The following CRNKL1 variants were observed in gnomAD, a reference collection of about 807,000 sequenced individuals.
CRNKL1 encodes crooked neck pre-mRNA splicing factor 1.
Under a neutral mutation model 103.7 loss-of-function variants are expected in CRNKL1, and 35 were observed. The ratio of observed to expected loss-of-function variants is 0.34; its 90% CI spans 0.26 to 0.45. The LOEUF is 0.45. CRNKL1 is among the 20% of genes least tolerant of loss of function. CRNKL1 has a pLI of 1.00. For missense variants in CRNKL1, 645 were observed against 836.0 expected (o/e 0.77, Z 2.82); for synonymous variants, 267 against 282.6 (o/e 0.94, Z 0.55).
At chr20:20,053,185 TATA>T (rs2043903406), upstream of CRNKL1, among the ~76,000 whole-genome samples, 1 of 152,230 alleles carries the variant, frequency 6.6e-6, no homozygotes, top group Non-Finnish European at 1.5e-5. Context: ...TGTTAGCTGT[TATA>T]ATACTTAACC....
In CRNKL1 at chr20:20,036,081, CAA is replaced by C; in HGVS notation, c.*112_*113del. On this transcript the variant is annotated 3_prime_UTR_variant, in exon 14 of 14. Coordinates refer to ENST00000536226, the MANE Select transcript of CRNKL1 (RefSeq NM_001278628.2). ...AAAAAATAACTTAAAAAGTAGCCAT[CAA>C]AGATACCAATCAATTTCTTACTGGT... 1 of 1,097,986 alleles carries C rather than the reference CAA, an allele frequency of 9.1e-7. No homozygotes were observed. The highest frequency in any genetic ancestry group is 1.3e-6 in the Non-Finnish European group (1 of 781,748). 68.0% of individuals were successfully genotyped at this position (1,097,986 alleles called of 1,614,324 possible). A position where few individuals can be genotyped will look rare whatever the true frequency, so the allele number is the denominator to read the frequency against.
chr20:20,045,801 G>A (rs767853986), intron 5 of CRNKL1, among the ~76,000 whole-genome samples: 2 of 152,278 alleles, frequency 1.3e-5, no homozygotes, highest in Non-Finnish European at 2.9e-5. Flanking sequence ...GAACTTAGAC[G>A]TCTAAGTCTC....
chr20:20,051,840 C>A (rs1213194495), intron 1 of CRNKL1, among the ~76,000 whole-genome samples: 2 of 152,208 alleles, frequency 1.3e-5, no homozygotes, highest in African/African-American at 4.8e-5. Flanking sequence ...GCCTTCAAGT[C>A]TCAGCTTAAA....
At chr20:20,049,677 C>T (rs1022491602) in intron 2 of CRNKL1, among the ~76,000 whole-genome samples, 2 of 152,206 alleles carry the variant, frequency 1.3e-5, no homozygotes, top group Admixed American at 6.5e-5. Context: ...TTTAAGTCCT[C>T]TGGTAATTCT....
rs566498711 is a variant in CRNKL1 at position 20,040,699 on chromosome 20, G to C, written c.1292C>G (p.Ala431Gly). The C allele has an allele frequency of 6.2e-7, 1 of 1,609,310 alleles. No individual in the cohort carries two copies. Among genetic ancestry groups the C allele is most frequent in the African/African-American group, 1.3e-5 (1 of 74,912 alleles). Residue 431 changes from alanine to glycine, a missense_variant, in exon 10 of 14, where the codon GCC becomes GGC. Physicochemically the swap from Ala to Gly is moderately conservative, Grantham distance 60 (BLOSUM62 0). Transcript: ENST00000536226. ...FEIRQKNLSL[A>G]RRALGTSIGK... is the part of the protein sequence containing the mutation. ...TTCTTTACTTACCAATGCTCTTCTG[G>C]CTAATGACAGATTCTTCTGTCGTAT...
chr20:20,039,715 G>A lies in CRNKL1; in HGVS notation c.1439C>T (p.Thr480Ile), dbSNP rs1269710047. Residue 480 changes from threonine (T) to isoleucine (I), a missense_variant, in exon 11 of 14, where the codon ACC becomes ATC. Coordinates refer to ENST00000536226, the MANE Select transcript of CRNKL1 (RefSeq NM_001278628.2). ...TAATTCAGCGAATTTAATCCATGAG[G>A]TACAATTTTCAGGTCCAAATTCCAG... The part of the protein sequence containing the change: ...KFLEFGPENC[T>I]SWIKFAELET... The A allele has an allele frequency of 1.9e-6, 3 of 1,614,160 alleles. 1 individual carries two copies. Among genetic ancestry groups the A allele is most frequent in the Middle Eastern group, 1.6e-4 (1 of 6,062 alleles).
chr20:20,055,256 A>C (rs2044219358), upstream of CRNKL1, among the ~76,000 whole-genome samples: 2 of 152,156 alleles, frequency 1.3e-5, no homozygotes, highest in Admixed American at 1.3e-4. Context: ...CTATCATCTA[A>C]AGTTCTTGGT....
intron 2 of CRNKL1, among the ~76,000 whole-genome samples, chr20:20,050,151 CAGA>C (rs1239439539): frequency 6.6e-6 from 1 of 152,212 alleles, no homozygotes; most frequent in Non-Finnish European, 1.5e-5. Context: ...GTGGTATAGA[CAGA>C]AGTACACAGT....
Position 20,043,995 on chromosome 20 carries a change from C to T in CRNKL1, c.802-333G>A, listed in dbSNP as rs113676231. Among the ~76,000 whole-genome samples the T allele has an allele frequency of 7.2e-4, 109 of 152,296 alleles. 1 individual carries two copies. The highest frequency in any genetic ancestry group is 2.6e-3 in the African/African-American group (107 of 41,558). The stretch of plus-strand genomic sequence containing the variant: ...CCCAATTTTAGTAGGCAAGGCCTAA[C>T]CTACAGTCACTTGCTCAAGCCAAAA... On this transcript the variant is annotated intron_variant, in intron 6 of 13. Coordinates refer to ENST00000536226, the MANE Select transcript of CRNKL1 (RefSeq NM_001278628.2).
At position 20,043,783 on chromosome 20, in the gene CRNKL1, G is replaced by C. The variant is rs866019135; in HGVS notation, c.802-121C>G. On this transcript the variant is annotated intron_variant, in intron 6 of 13. Coordinates refer to ENST00000536226, the MANE Select transcript of CRNKL1 (RefSeq NM_001278628.2). ...AGATTTTGAGGCCTCATAATATCCA[G>C]AGTAAGATGCTTTTCTCCCTCTTGT... 5 of 862,888 alleles carry C rather than the reference G, an allele frequency of 5.8e-6. No individual in the cohort carries two copies. In the South Asian group the frequency reaches 7.2e-5, roughly 13 times the overall value. The allele number at this position is 862,888 out of a possible 1,614,324, so 53.5% of individuals were successfully genotyped here. A position where few individuals can be genotyped will look rare whatever the true frequency, so the allele number is the denominator to read the frequency against.
intron 2 of CRNKL1, among the ~76,000 whole-genome samples, chr20:20,049,898 GCC>G (rs2043658963): frequency 2.6e-5 from 4 of 151,580 alleles, no homozygotes; most frequent in Non-Finnish European, 5.9e-5. Flanking sequence ...GCTCACTGCA[GCC>G]TCTGCCTCCC....
chr20:20,045,800 C>T (rs112956031), intron 5 of CRNKL1, among the ~76,000 whole-genome samples: 7 of 152,238 alleles, frequency 4.6e-5, no homozygotes, highest in South Asian at 2.1e-4. Context: ...TGAACTTAGA[C>T]GTCTAAGTCT....
chr20:20,042,281 G>A lies in CRNKL1; in HGVS notation c.1164+44C>T, dbSNP rs1272053044. 6.7e-6 allele frequency: 10 copies of A among 1,500,900 alleles called. No homozygotes were observed. In the South Asian group the frequency reaches 1.3e-4, roughly 20 times the overall value. 93.0% of individuals were successfully genotyped at this position (1,500,900 alleles called of 1,614,324 possible). The stretch of plus-strand genomic sequence containing the variant: ...CAATAGGTGAGCTGTGAATACAGAA[G>A]ACAGGAAACCATTATCAGCTGACAC... On this transcript the variant is annotated intron_variant, in intron 8 of 13. Transcript: ENST00000536226.
chr20:20,042,963 G>A (rs1256811568), intron 7 of CRNKL1, among the ~76,000 whole-genome samples: 12 of 152,110 alleles, frequency 7.9e-5, no homozygotes, highest in Admixed American at 7.9e-4. Flanking sequence ...TTAGTCCTTT[G>A]CTTGGAGGTA....
At position 20,036,045 on chromosome 20, in the gene CRNKL1, C is replaced by A; in HGVS notation, c.*150G>T. 1.2e-6 allele frequency: 1 copy of A among 834,702 alleles called. No individual in the cohort carries two copies. The highest frequency in any genetic ancestry group is 1.8e-6 in the Non-Finnish European group (1 of 561,056). 51.7% of individuals were successfully genotyped at this position (834,702 alleles called of 1,614,324 possible). Reference sequence around the variant, plus strand: ...TTGCAATCCCTACCCCTAGCTAACCCAAGAGCATTTAAAAAATAACTTAAA... The same window carrying A: ...TTGCAATCCCTACCCCTAGCTAACCAAAGAGCATTTAAAAAATAACTTAAA... On this transcript the variant is annotated 3_prime_UTR_variant, in exon 14 of 14. Transcript: ENST00000536226.
chr20:20,051,617 G>T (rs2043738133), intron 1 of CRNKL1, among the ~76,000 whole-genome samples: 1 of 152,182 alleles, frequency 6.6e-6, no homozygotes, highest in African/African-American at 2.4e-5. Context: ...TTATGTAAAG[G>T]TCCAGTTCAA....
At chr20:20,047,987 T>C in intron 4 of CRNKL1, 56 bp from the exon 5 acceptor site, 2 of 1,540,618 alleles carry the variant, frequency 1.3e-6, no homozygotes, top group Non-Finnish European at 1.8e-6. Flanking sequence ...CATTGTTGAA[T>C]GGGAAGAAGA....
upstream of CRNKL1, chr20:20,055,897 T>G (rs1175011547): frequency 7.3e-7 from 1 of 1,370,004 alleles, no homozygotes; most frequent in Admixed American, 1.7e-5. Flanking sequence ...GAAGAGAGAC[T>G]TACAGAAATT....
At position 20,035,735 on chromosome 20, in the gene CRNKL1, A is replaced by G. The variant is rs1444069459; in HGVS notation, c.*460T>C. 6.4e-6 allele frequency: 1 copy of G among 155,428 alleles called. No homozygotes were observed. The highest frequency in any genetic ancestry group is 1.4e-5 in the Non-Finnish European group (1 of 70,104). 9.6% of individuals were successfully genotyped at this position (155,428 alleles called of 1,614,324 possible). A position where few individuals can be genotyped will look rare whatever the true frequency, so the allele number is the denominator to read the frequency against. On this transcript the variant is annotated 3_prime_UTR_variant, in exon 14 of 14. Transcript: ENST00000536226. ...TTCCTTTTATAATGTAATCTTCAAA[A>G]TGAGCTGTCAAACTATTGGCCCATT...
Sources: allele counts gnomAD v4.1 joint callset (sites outside exome capture counted in the v4.1 genomes callset), GRCh38; gene constraint gnomAD v4.1.1; transcripts MANE v1.5; gene names NCBI Gene and HGNC (gene_info 2026-07-23, HGNC 2026-07-21).